TOLLIP: variants seen among roughly 807,000 people sequenced by gnomAD.
TOLLIP encodes toll interacting protein, also known as toll-interacting protein.
TOLLIP carries 16 observed loss-of-function variants against 33.5 expected under a neutral mutation model. That is an observed-to-expected ratio of 0.48 (90% CI 0.32 to 0.72). TOLLIP has a LOEUF of 0.72. TOLLIP is among the 30% of genes least tolerant of loss of function. The pLI is 0.03. For missense variants in TOLLIP, 325 were observed against 396.6 expected (o/e 0.82, Z 1.53); for synonymous variants, 176 against 163.7 (o/e 1.07, Z -0.57).
intron 1 of TOLLIP, among the ~76,000 whole-genome samples, chr11:1,304,536 G>A (rs180764195): frequency 1.2e-3 from 179 of 152,362 alleles, no homozygotes; most frequent in African/African-American, 3.9e-3. Flanking sequence ...AGCAGCACCC[G>A]CGCCAGGACG....
At chr11:1,285,876 T>C (rs1345834910) in intron 5 of TOLLIP, 126 bp downstream of exon 5, 5 of 626,320 alleles carry the variant, frequency 8.0e-6, no homozygotes, top group Non-Finnish European at 1.4e-5. Flanking sequence ...TCAGCACGTC[T>C]ACAGGATTCT....
intron 4 of TOLLIP, among the ~76,000 whole-genome samples, chr11:1,286,676 C>T (rs191128433): frequency 6.3e-5 from 9 of 143,322 alleles, no homozygotes; most frequent in South Asian, 2.3e-4. Context: ...GTCACTGCAC[C>T]GCTGTCATCT....
chr11:1,286,386 T>C (rs1863694170), intron 4 of TOLLIP, among the ~76,000 whole-genome samples: 1 of 152,210 alleles, frequency 6.6e-6, no homozygotes, highest in African/African-American at 2.4e-5. Context: ...CATCCCAGTG[T>C]AGGTGTCGAG....
Position 1,277,401 on chromosome 11 carries a change from A to G in TOLLIP, c.611-148T>C. 1 of 611,400 alleles carries G rather than the reference A, an allele frequency of 1.6e-6. No homozygotes were observed. Among genetic ancestry groups the G allele is most frequent in the Non-Finnish European group, 2.6e-6 (1 of 379,214 alleles). The allele number at this position is 611,400 out of a possible 1,614,324, so 37.9% of individuals were successfully genotyped here. ...TCTCAGCAAACACCAGTCCCGCAAG[A>G]CACCCTGGAAAGGCAAACCCCCAAA... On this transcript the variant is annotated intron_variant, in intron 5 of 5. Coordinates refer to ENST00000317204, the MANE Select transcript of TOLLIP (RefSeq NM_019009.4). This position sits in a 1 kb window ranked among gnomAD's most constrained non-coding sequence, Gnocchi z 4.2.
At position 1,303,324 on chromosome 11, in the gene TOLLIP, C is replaced by T. The variant is rs536682689; in HGVS notation, c.33+6142G>A. ...AGCCAGTCAAGCAGCAGGCCAAGGG[C>T]GGACAGAGATCCAGAGAGGGACGGC... On this transcript the variant is annotated intron_variant, in intron 1 of 5. Transcript: ENST00000317204. This position sits in a 1 kb window ranked among gnomAD's most constrained non-coding sequence, Gnocchi z 4.2. 1.3e-5 allele frequency among the ~76,000 whole-genome samples: 2 copies of T among 151,982 alleles called. No homozygotes were observed. Among genetic ancestry groups the T allele is most frequent in the Admixed American group, 6.5e-5 (1 of 15,278 alleles).
rs1864330208 is a variant in TOLLIP at position 1,303,134 on chromosome 11, G to A, written c.33+6332C>T. 6.6e-6 allele frequency among the ~76,000 whole-genome samples: 1 copy of A among 152,198 alleles called. No homozygotes were observed. The highest frequency in any genetic ancestry group is 1.5e-5 in the Non-Finnish European group (1 of 68,042). On this transcript the variant is annotated intron_variant, in intron 1 of 5. Transcript: ENST00000317204. The surrounding 1 kb of genome is among the most constrained non-coding windows in gnomAD (Gnocchi z 4.2). The stretch of plus-strand genomic sequence containing the variant: ...AAGAGCGGTGAAAGGGAAGAGTACA[G>A]GACAGAATGAGAATAAGCATAGATT...
chr11:1,277,395 C>T lies in TOLLIP; in HGVS notation c.611-142G>A. On this transcript the variant is annotated intron_variant, in intron 5 of 5. Coordinates refer to ENST00000317204, the MANE Select transcript of TOLLIP (RefSeq NM_019009.4). This position sits in a 1 kb window ranked among gnomAD's most constrained non-coding sequence, Gnocchi z 4.2. ...CTCGGGTCTCAGCAAACACCAGTCC[C>T]GCAAGACACCCTGGAAAGGCAAACC... 3.2e-6 allele frequency: 2 copies of T among 624,294 alleles called. No homozygotes were observed. The highest frequency in any genetic ancestry group is 5.2e-6 in the Non-Finnish European group (2 of 388,014). The allele number at this position is 624,294 out of a possible 1,614,324, so 38.7% of individuals were successfully genotyped here.
chr11:1,303,391 G>A lies in TOLLIP; in HGVS notation c.33+6075C>T, dbSNP rs937036265. ...CCTGGGCGCCGGGCACAGGGCGCGCGCTGCGGCAGCCTCTGCGTGTCACTG... is the reference window on the plus strand; with the variant it reads ...CCTGGGCGCCGGGCACAGGGCGCGCACTGCGGCAGCCTCTGCGTGTCACTG... On this transcript the variant is annotated intron_variant, in intron 1 of 5. Transcript: ENST00000317204. The surrounding 1 kb of genome is among the most constrained non-coding windows in gnomAD (Gnocchi z 4.2). Among the ~76,000 whole-genome samples, 5 of 152,206 alleles carry A rather than the reference G, an allele frequency of 3.3e-5. No individual in the cohort carries two copies. Among genetic ancestry groups the A allele is most frequent in the Admixed American group, 6.5e-5 (1 of 15,294 alleles).
chr11:1,308,365 T>C (rs1006909722), intron 1 of TOLLIP, among the ~76,000 whole-genome samples: 3 of 152,268 alleles, frequency 2.0e-5, no homozygotes, highest in African/African-American at 7.2e-5. Context: ...AGCTCCCACT[T>C]GGCCTTCCGC....
At chr11:1,281,790 A>C (rs1863507902) in intron 5 of TOLLIP, among the ~76,000 whole-genome samples, 1 of 152,244 alleles carries the variant, frequency 6.6e-6, no homozygotes, top group Non-Finnish European at 1.5e-5. Context: ...TAAACACTTG[A>C]AACTGTGGGC....
intron 1 of TOLLIP, among the ~76,000 whole-genome samples, chr11:1,305,641 G>A (rs1018262517): frequency 6.6e-6 from 1 of 152,230 alleles, no homozygotes; most frequent in Non-Finnish European, 1.5e-5. Flanking sequence ...CATCCCTAAT[G>A]AAGTCACCGA....
At chr11:1,279,234 C>A (rs1476890865) in intron 5 of TOLLIP, among the ~76,000 whole-genome samples, 1 of 152,262 alleles carries the variant, frequency 6.6e-6, no homozygotes, top group Non-Finnish European at 1.5e-5. Context: ...ACGGCCCCAA[C>A]ACACTCACTT....
chr11:1,297,277 A>C (rs1252689944), intron 1 of TOLLIP, among the ~76,000 whole-genome samples: 1 of 152,088 alleles, frequency 6.6e-6, no homozygotes, highest in Admixed American at 6.5e-5. Context: ...GGAGGTTCTG[A>C]GTTAAGCCCT....
At chr11:1,293,422 G>A (rs1437980319) in intron 2 of TOLLIP, among the ~76,000 whole-genome samples, 1 of 152,182 alleles carries the variant, frequency 6.6e-6, no homozygotes, top group Non-Finnish European at 1.5e-5. Context: ...GAGGGGAGGA[G>A]GGCTGAGGAC....
At chr11:1,286,167 C>A in intron 4 of TOLLIP, 75 bp from the exon 5 acceptor site, 1 of 1,157,710 alleles carries the variant, frequency 8.6e-7, no homozygotes, top group South Asian at 1.4e-5. Flanking sequence ...TCGCCCTCCC[C>A]ACAATTGCCC....
rs1863385854 is a variant in TOLLIP at position 1,278,555 on chromosome 11, G to A, written c.611-1302C>T. On this transcript the variant is annotated intron_variant, in intron 5 of 5. Transcript: ENST00000317204. This position sits in a 1 kb window ranked among gnomAD's most constrained non-coding sequence, Gnocchi z 4.7. ...AAGGCCAGGACTCCTCAGCAAGGAA[G>A]GCCACCGCTTCCCGGCTCCTTCTAG... Among the ~76,000 whole-genome samples the A allele has an allele frequency of 6.6e-6, 1 of 152,168 alleles. No individual in the cohort carries two copies. Among genetic ancestry groups the A allele is most frequent in the Non-Finnish European group, 1.5e-5 (1 of 68,046 alleles).
intron 1 of TOLLIP, among the ~76,000 whole-genome samples, chr11:1,301,325 T>G (rs540157336): frequency 6.6e-6 from 1 of 152,258 alleles, no homozygotes; most frequent in Non-Finnish European, 1.5e-5. Context: ...TGTCGACGAT[T>G]CTCATTCAAT....
rs1457867519 is a variant in TOLLIP at position 1,276,774 on chromosome 11, G to A, written c.*265C>T. 3 of 1,508,496 alleles carry A rather than the reference G, an allele frequency of 2.0e-6. No homozygotes were observed. Among genetic ancestry groups the A allele is most frequent in the African/African-American group, 2.8e-5 (2 of 72,592 alleles). 93.4% of individuals were successfully genotyped at this position (1,508,496 alleles called of 1,614,324 possible). On this transcript the variant is annotated 3_prime_UTR_variant, in exon 6 of 6. Coordinates refer to ENST00000317204, the MANE Select transcript of TOLLIP (RefSeq NM_019009.4). ...GCATTTTCCAGAACGGCATGAGAAG[G>A]AGAGACGCACGTCCCAGGGACAGGA... is the stretch of plus-strand genomic sequence containing the variant.
chr11:1,281,019 G>T (rs527327416), intron 5 of TOLLIP, among the ~76,000 whole-genome samples: 1 of 152,232 alleles, frequency 6.6e-6, no homozygotes, highest in African/African-American at 2.4e-5. Context: ...CTGCAGCTCC[G>T]TGGAAGAGAA....
Sources: gnomAD v4.1 joint callset for allele counts (sites outside exome capture counted in the v4.1 genomes callset) on GRCh38, gnomAD v4.1.1 for gene constraint, Gnocchi (gnomAD v3.1) non-coding constraint, MANE v1.5 for transcripts, NCBI Gene and HGNC (gene_info 2026-07-23, HGNC 2026-07-21) for gene names.